The following DENND2B variants were observed in gnomAD, a reference collection of about 807,000 sequenced individuals.
DENND2B encodes DENN domain containing 2B.
A neutral mutation model predicts 116.0 loss-of-function variants in DENND2B; 32 were observed. The observed-to-expected ratio is 0.28, with a 90% confidence interval of 0.21 to 0.37. The LOEUF (loss-of-function observed/expected upper bound fraction) is 0.37. Ranked by LOEUF, DENND2B falls within the 10% of genes least tolerant of loss-of-function variation. DENND2B has a pLI of 1.00. For synonymous variants in DENND2B, 588 were observed against 583.9 expected (o/e 1.01, Z -0.10); for missense variants, 1,276 against 1,477.7 (o/e 0.86, Z 2.24).
chr11:8,796,298 T>C (rs1462796069), intron 1 of DENND2B, among the ~76,000 whole-genome samples: 2 of 152,118 alleles, frequency 1.3e-5, no homozygotes, highest in South Asian at 2.1e-4. Context: ...TCCCAGCACT[T>C]TGGGAGGCCA....
intron 3 of DENND2B, among the ~76,000 whole-genome samples, chr11:8,854,970 T>C (rs1283028083): frequency 6.6e-6 from 1 of 152,024 alleles, no homozygotes. Context: ...CCTCGGCTTC[T>C]CTACAAAAAA....
chr11:8,804,368 A>G (rs1458462198), intron 1 of DENND2B, among the ~76,000 whole-genome samples: 2 of 131,512 alleles, frequency 1.5e-5, no homozygotes, highest in Non-Finnish European at 3.4e-5. Flanking sequence ...GCCATAAGAC[A>G]TGGGGAGCTG....
chr11:8,758,377 T>A (rs938314121), intron 1 of DENND2B, among the ~76,000 whole-genome samples: 2 of 152,144 alleles, frequency 1.3e-5, no homozygotes, highest in Admixed American at 6.5e-5. Context: ...GCATTACCAA[T>A]GGCTCATCTA....
chr11:8,800,228 A>G (rs1198888053), intron 1 of DENND2B, among the ~76,000 whole-genome samples: 4 of 152,190 alleles, frequency 2.6e-5, no homozygotes, highest in Non-Finnish European at 5.9e-5. Flanking sequence ...TGTTAGGATT[A>G]TAAGTGTGAG....
intron 1 of DENND2B, among the ~76,000 whole-genome samples, chr11:8,906,155 G>A (rs1444004228): frequency 6.6e-6 from 1 of 150,642 alleles, no homozygotes; most frequent in Non-Finnish European, 1.5e-5. Flanking sequence ...CTTAAGACAG[G>A]TAAATTTTAT....
rs1298750820 is a variant in DENND2B, at chr11:8,806,627, C to CACACACACACACAA, written c.-26+3889_-26+3890insTTGTGTGTGTGTGT. Among the ~76,000 whole-genome samples the CACACACACACACAA allele has an allele frequency of 2.0e-5, 3 of 151,684 alleles. No homozygotes were observed. In the East Asian group the frequency reaches 5.8e-4, roughly 29 times the overall value. On this transcript the variant is annotated intron_variant, in intron 1 of 19. Coordinates refer to ENST00000313726, the MANE Select transcript of DENND2B (RefSeq NM_213618.2). ...CAAAACACACACACACACACACACA[C>CACACACACACACAA]ACACACACACACCCAGGAGAGCTTT...
intron 17 of DENND2B, 25 bp downstream of exon 17, chr11:8,697,500 G>A: frequency 6.3e-7 from 1 of 1,584,682 alleles, no homozygotes. Context: ...GAGCAGAGCT[G>A]ACCGTGCCCG....
At chr11:8,882,798 G>A (rs1385151986) in intron 1 of DENND2B, among the ~76,000 whole-genome samples, 3 of 152,130 alleles carry the variant, frequency 2.0e-5, no homozygotes, top group East Asian at 1.9e-4. Flanking sequence ...GATCAGCCTA[G>A]GCAACACAGC....
At chr11:8,860,365 C>T (rs1222816235) in intron 2 of DENND2B, among the ~76,000 whole-genome samples, 5 of 152,046 alleles carry the variant, frequency 3.3e-5, no homozygotes, top group Admixed American at 1.3e-4. Context: ...ACAAAATCAA[C>T]GTACACAAAT....
At chr11:8,775,183 C>T (rs2057459085) in intron 1 of DENND2B, among the ~76,000 whole-genome samples, 1 of 152,112 alleles carries the variant, frequency 6.6e-6, no homozygotes, top group African/African-American at 2.4e-5. Context: ...GCCTGGCCCC[C>T]ATCTGGGTCT....
At position 8,731,229 on chromosome 11, in the gene DENND2B, A is replaced by C; in HGVS notation, c.81-20T>G. 1 of 1,462,852 alleles carries C rather than the reference A, an allele frequency of 6.8e-7. No homozygotes were observed. Among genetic ancestry groups the C allele is most frequent in the Non-Finnish European group, 9.1e-7 (1 of 1,104,940 alleles). The allele number at this position is 1,462,852 out of a possible 1,614,324, so 90.6% of individuals were successfully genotyped here. ...TGAGACCTGGGGGCAAAACAAAACA[A>C]AGGAAAAGAAAAGAAAATGGCAGTG... On this transcript the variant is annotated intron_variant, in intron 2 of 19. Coordinates refer to ENST00000313726, the MANE Select transcript of DENND2B (RefSeq NM_213618.2).
At chr11:8,863,091 G>C (rs1383434953) in intron 2 of DENND2B, among the ~76,000 whole-genome samples, 2 of 151,840 alleles carry the variant, frequency 1.3e-5, no homozygotes, top group Non-Finnish European at 2.9e-5. Context: ...AAAAGTGGGA[G>C]GATTGCTTGA....
intron 1 of DENND2B, among the ~76,000 whole-genome samples, chr11:8,770,112 G>A (rs1050880909): frequency 6.6e-6 from 1 of 152,200 alleles, no homozygotes; most frequent in Non-Finnish European, 1.5e-5. Flanking sequence ...GCTCAGAGCA[G>A]CATCTGCATT....
chr11:8,714,125 CAG>C, intron 7 of DENND2B, 83 bp from the exon 8 acceptor site: 5 of 1,378,056 alleles, frequency 3.6e-6, no homozygotes, highest in East Asian at 2.3e-5. Flanking sequence ...GCTTTTCTCA[CAG>C]GGGATGGATC....
intron 1 of DENND2B, among the ~76,000 whole-genome samples, chr11:8,771,238 A>G (rs1222965840): frequency 6.6e-6 from 1 of 152,148 alleles, no homozygotes; most frequent in African/African-American, 2.4e-5. Flanking sequence ...GCAAAGCTAA[A>G]ATGGGTTTTA....
At chr11:8,889,530 G>A (rs1594344830) in intron 1 of DENND2B, among the ~76,000 whole-genome samples, 1 of 143,750 alleles carries the variant, frequency 7.0e-6, no homozygotes, top group East Asian at 1.9e-4. Context: ...TGGAAAATCA[G>A]GTCACTCCCA....
intron 3 of DENND2B, among the ~76,000 whole-genome samples, chr11:8,728,862 A>G (rs1287904602): frequency 1.3e-5 from 2 of 152,246 alleles, no homozygotes; most frequent in East Asian, 3.8e-4. Context: ...ATCTTGGTGC[A>G]CAGCAGGCTC....
chr11:8,875,815 T>C (rs1403822378), upstream of DENND2B, among the ~76,000 whole-genome samples: 1 of 152,132 alleles, frequency 6.6e-6, no homozygotes, highest in Non-Finnish European at 1.5e-5. Context: ...AATATATAAA[T>C]GATCCCCAAT....
intron 1 of DENND2B, among the ~76,000 whole-genome samples, chr11:8,798,823 G>A (rs745601374): frequency 7.2e-6 from 1 of 138,168 alleles, no homozygotes; most frequent in Non-Finnish European, 1.5e-5. Flanking sequence ...AACAATTTCC[G>A]GTTGCTTTTT....
Sources: allele counts gnomAD v4.1 joint callset (sites outside exome capture counted in the v4.1 genomes callset), GRCh38; gene constraint gnomAD v4.1.1; transcripts MANE v1.5; gene names NCBI Gene and HGNC (gene_info 2026-07-23, HGNC 2026-07-21).